EIF4G1: variants seen among roughly 807,000 people sequenced by gnomAD.
EIF4G1 encodes the protein EIF4-gamma.
EIF4G1 carries 4 observed loss-of-function variants against 187.8 expected under a neutral mutation model. The ratio of observed to expected loss-of-function variants is 0.02; its 90% CI spans 0.01 to 0.05. The LOEUF is 0.05. Among genes scored for constraint, EIF4G1 ranks in the 10% least tolerant of loss-of-function variants. EIF4G1 has a pLI of 1.00. For synonymous variants in EIF4G1, 844 were observed against 781.4 expected (o/e 1.08, Z -1.34); for missense variants, 1,647 against 2,081.1 (o/e 0.79, Z 4.06).
intron 21 of EIF4G1, 30 bp from the exon 22 acceptor site, chr3:184,326,497 C>T (rs774727919): frequency 2.5e-6 from 4 of 1,613,010 alleles, no homozygotes; most frequent in Non-Finnish European, 3.4e-6. Flanking sequence ...CGGGTTGGAC[C>T]TATGATTCTA....
In EIF4G1 at chr3:184,321,895, C is replaced by G. The variant is rs778576519; in HGVS notation, c.1311C>G (p.Ile437Met). 5 of 1,614,080 alleles carry G rather than the reference C, an allele frequency of 3.1e-6. No homozygotes were observed. The highest frequency in any genetic ancestry group is 1.7e-5 in the Admixed American group (1 of 60,004). Residue 437 changes from isoleucine (I) to methionine (M), a missense_variant, in exon 10 of 33, where the codon ATC (isoleucine) becomes ATG (methionine). Physicochemically the swap from Ile to Met is conservative, Grantham distance 10. Coordinates refer to ENST00000346169, the MANE Select transcript of EIF4G1 (RefSeq NM_198241.3). ...CAGCATCAATGGCGCCCCCCACCAT[C>G]CCCTCTGCTACTCCAGCTACGGCTC... ...EVTASMAPPTIPSATPATAPS... is the reference protein window; with the variant it reads ...EVTASMAPPTMPSATPATAPS...
chr3:184,320,835 A>G, intron 8 of EIF4G1, 92 bp from the exon 9 acceptor site: 4 of 1,607,594 alleles, frequency 2.5e-6, no homozygotes, highest in Non-Finnish European at 3.4e-6. Flanking sequence ...GCTTTCCTGG[A>G]TTTCTAGGCA....
At chr3:184,320,325 T>C in intron 7 of EIF4G1, 2 of 1,308,794 alleles carry the variant, frequency 1.5e-6, no homozygotes, top group South Asian at 1.6e-5. Context: ...TAGATGGGGG[T>C]CCTGGGCCCC....
Position 184,325,325 on chromosome 3 carries a change from G to A in EIF4G1, c.2913G>A (p.Thr971=), listed in dbSNP as rs553609598. 123 of 1,614,172 alleles carry A rather than the reference G, an allele frequency of 7.6e-5. 1 individual carries two copies. In the South Asian group the frequency reaches 1.1e-3, roughly 15 times the overall value. The part of the protein sequence containing the change: ...QMEKIIKEKK[T]SSRIRFMLQD... ...AAAAAATCATTAAAGAAAAGAAGACGTCATCCCGCATCCGCTTTATGCTGC... is the reference window on the plus strand; with the variant it reads ...AAAAAATCATTAAAGAAAAGAAGACATCATCCCGCATCCGCTTTATGCTGC... The change falls in exon 19 of 33, where the codon ACG becomes ACA. Residue 971 remains threonine, a synonymous_variant. Coordinates refer to ENST00000346169, the MANE Select transcript of EIF4G1 (RefSeq NM_198241.3). The surrounding 1 kb of genome is among the most constrained non-coding windows in gnomAD (Gnocchi z 5.2).
rs527922283 is a variant in EIF4G1, at chr3:184,335,340, A to C, written c.*432A>C. The C allele has an allele frequency of 4.9e-5, 11 of 222,770 alleles. No homozygotes were observed. In the Admixed American group the frequency reaches 5.7e-4, roughly 12 times the overall value. 13.8% of individuals were successfully genotyped at this position (222,770 alleles called of 1,614,324 possible). A position where few individuals can be genotyped will look rare whatever the true frequency, so the allele number is the denominator to read the frequency against. On this transcript the variant is annotated 3_prime_UTR_variant, in exon 33 of 33. Transcript: ENST00000346169. ...GGCACGGTGCCTGTAATTATTAAAC[A>C]TGAATTCAATTAAGCTCACTGCCTT...
rs369454040 is a variant in EIF4G1 at position 184,324,982 on chromosome 3, G to T, written c.2724G>T (p.Leu908=). 1.2e-6 allele frequency: 2 copies of T among 1,614,126 alleles called. No homozygotes were observed. Among genetic ancestry groups the T allele is most frequent in the African/African-American group, 2.7e-5 (2 of 74,938 alleles). Residue 908 remains leucine (L), a synonymous_variant, in exon 18 of 33, where the codon CTG becomes CTT. Transcript: ENST00000346169. Reference sequence around the variant, plus strand: ...AGTTTATTGGAGAGTTGTTCAAACTGAAGATGTTAACAGAGGCAATAATGC... The same window carrying T: ...AGTTTATTGGAGAGTTGTTCAAACTTAAGATGTTAACAGAGGCAATAATGC... ...NIKFIGELFK[L]KMLTEAIMHD...
intron 28 of EIF4G1, among the ~76,000 whole-genome samples, chr3:184,330,781 G>A (rs1046043050): frequency 1.8e-4 from 27 of 151,678 alleles, no homozygotes; most frequent in Admixed American, 3.9e-4. Context: ...TCGCTGTGTC[G>A]CCCAGGCTGG....
In EIF4G1 at chr3:184,320,703, C is replaced by T; in HGVS notation, c.611C>T (p.Ser204Phe). Residue 204 changes from serine (S) to phenylalanine (F), a missense_variant, in exon 8 of 33, where the codon TCC becomes TTC. By Grantham distance (155) the Ser-to-Phe change is radical. Transcript: ENST00000346169. ...ATCATGTCTGGGGCCCGCACTGCCTCCACACCCACCCCTCCCCAGGTACTG... is the reference window on the plus strand; with the variant it reads ...ATCATGTCTGGGGCCCGCACTGCCTTCACACCCACCCCTCCCCAGGTACTG... ...EEIMSGARTA[S>F]TPTPPQTGGG... The T allele has an allele frequency of 1.9e-6, 3 of 1,614,166 alleles. No homozygotes were observed. The highest frequency in any genetic ancestry group is 2.5e-6 in the Non-Finnish European group (3 of 1,180,024).
At chr3:184,327,095 G>C in intron 23 of EIF4G1, 112 bp downstream of exon 23, 1 of 1,570,824 alleles carries the variant, frequency 6.4e-7, no homozygotes, top group Non-Finnish European at 8.7e-7. Context: ...GAGCCCTTGG[G>C]TTAGATTGGG....
At position 184,328,734 on chromosome 3, in the gene EIF4G1, G is replaced by A. The variant is rs760646808; in HGVS notation, c.4057G>A (p.Val1353Met). 1 of 1,614,224 alleles carries A rather than the reference G, an allele frequency of 6.2e-7. No individual in the cohort carries two copies. The highest frequency in any genetic ancestry group is 8.5e-7 in the Non-Finnish European group (1 of 1,180,038). Residue 1353 changes from valine to methionine, a missense_variant, in exon 27 of 33, where the codon GTG becomes ATG. By Grantham distance (21) the Val-to-Met change is conservative. Coordinates refer to ENST00000346169, the MANE Select transcript of EIF4G1 (RefSeq NM_198241.3). ...LVTPILQEGG[V>M]PMGELFREIT... is the part of the protein sequence containing the mutation. Reference sequence around the variant, plus strand: ...AACACCCATTCTGCAGGAAGGTGGGGTGCCCATGGGGGAGCTGTTCAGGTA... The same window carrying A: ...AACACCCATTCTGCAGGAAGGTGGGATGCCCATGGGGGAGCTGTTCAGGTA...
intron 28 of EIF4G1, 90 bp downstream of exon 28, chr3:184,329,080 A>C: frequency 6.8e-7 from 1 of 1,460,588 alleles, no homozygotes; most frequent in Non-Finnish European, 9.6e-7. Context: ...CCATTGGTGG[A>C]GTGGAGTGAT....
intron 28 of EIF4G1, among the ~76,000 whole-genome samples, chr3:184,330,537 C>G (rs1045910437): frequency 1.3e-5 from 2 of 151,998 alleles, no homozygotes; most frequent in Non-Finnish European, 2.9e-5. Flanking sequence ...GTCTATTGCC[C>G]CTTACAGAAA....
Position 184,334,987 on chromosome 3 carries a change from C to T in EIF4G1, c.*79C>T. On this transcript the variant is annotated 3_prime_UTR_variant, in exon 33 of 33. Transcript: ENST00000346169. This position sits in a 1 kb window ranked among gnomAD's most constrained non-coding sequence, Gnocchi z 5.8. ...AGCCGCCTGGACTGCAGGGGGGCGG[C>T]AGCAGCGGCGGTGGCAGTGGGTGCC... 6.3e-7 allele frequency: 1 copy of T among 1,583,614 alleles called. No homozygotes were observed. Among genetic ancestry groups the T allele is most frequent in the Non-Finnish European group, 8.6e-7 (1 of 1,161,774 alleles).
At position 184,320,483 on chromosome 3, in the gene EIF4G1, T is replaced by A. The variant is rs1723700061; in HGVS notation, c.538-147T>A. The stretch of plus-strand genomic sequence containing the variant: ...GGACTACGAGAGCAGCCAGATGGGC[T>A]GAAAGTGGAACTCAAGGGGTTTCTG... On this transcript the variant is annotated intron_variant, in intron 7 of 32. Transcript: ENST00000346169. 39 of 1,540,710 alleles carry A rather than the reference T, an allele frequency of 2.5e-5. No homozygotes were observed. The Middle Eastern group carries it at 6.7e-4, about 27-fold the overall frequency.
rs199729630 is a variant in EIF4G1, at chr3:184,332,020, G to A, written c.4552G>A (p.Glu1518Lys). ...AKLLQKYLCD[E>K]QKELQALYAL... ...GCTGCTGCAGAAATACCTGTGTGAC[G>A]AGCAGAAGGAGCTACAGGCGCTCTA... is the stretch of plus-strand genomic sequence containing the variant. Residue 1518 changes from glutamate to lysine, a missense_variant, in exon 32 of 33, where the codon GAG becomes AAG. By Grantham distance (56) the Glu-to-Lys change is moderately conservative. Transcript: ENST00000346169. 12 of 1,614,206 alleles carry A rather than the reference G, an allele frequency of 7.4e-6. No homozygotes were observed. In the African/African-American group the frequency reaches 8.0e-5, roughly 11 times the overall value.
At position 184,334,797 on chromosome 3, in the gene EIF4G1, G is replaced by C. The variant is rs1246149510; in HGVS notation, c.4689G>C (p.Trp1563Cys). 1 of 1,614,190 alleles carries C rather than the reference G, an allele frequency of 6.2e-7. No homozygotes were observed. The highest frequency in any genetic ancestry group is 1.7e-5 in the Admixed American group (1 of 60,026). Residue 1563 changes from tryptophan to cysteine, a missense_variant, in exon 33 of 33, where the codon TGG becomes TGC. Trp to Cys is a radical substitution (Grantham distance 215, BLOSUM62 -2). This residue lies in a region of EIF4G1 where 543 missense variants were observed against 638.0 expected (regional missense o/e 0.85). Transcript: ENST00000346169. The surrounding 1 kb of genome is among the most constrained non-coding windows in gnomAD (Gnocchi z 5.8). The stretch of plus-strand genomic sequence containing the variant: ...TGAAGGAGGATGCCTTCTACAGTTG[G>C]GAGAGTAGCAAGGACCCCGCTGAGC... The part of the protein sequence containing the change: ...DVVKEDAFYS[W>C]ESSKDPAEQQ...
At chr3:184,316,340 C>G (rs1338140157) in intron 4 of EIF4G1, 122 bp downstream of exon 4, 9 of 1,294,000 alleles carry the variant, frequency 7.0e-6, no homozygotes, top group Non-Finnish European at 9.7e-6. Flanking sequence ...TGTGTTCTTT[C>G]ATGCGGCTCT....
At chr3:184,324,499 T>C in intron 17 of EIF4G1, 152 bp downstream of exon 17, 3 of 1,184,032 alleles carry the variant, frequency 2.5e-6, no homozygotes, top group South Asian at 1.3e-5. Context: ...ACAGTCTTGC[T>C]CTGTCACCCA....
chr3:184,324,430 T>G lies in EIF4G1; in HGVS notation c.2619+83T>G. ...TGCTACTCAGCTGTAGAATTTGGAATGGAGGTAGTGGTGTCTTGGGGATTT... is the reference window on the plus strand; with the variant it reads ...TGCTACTCAGCTGTAGAATTTGGAAGGGAGGTAGTGGTGTCTTGGGGATTT... On this transcript the variant is annotated intron_variant, in intron 17 of 32. Coordinates refer to ENST00000346169, the MANE Select transcript of EIF4G1 (RefSeq NM_198241.3). 6.9e-6 allele frequency: 11 copies of G among 1,595,818 alleles called. No individual in the cohort carries two copies. The South Asian group carries it at 8.9e-5, about 13-fold the overall frequency.
Sources: allele counts gnomAD v4.1 joint callset (sites outside exome capture counted in the v4.1 genomes callset), GRCh38; gene constraint gnomAD v4.1.1; regional missense constraint gnomAD v4.1.1; non-coding constraint Gnocchi (gnomAD v3.1); transcripts MANE v1.5; gene names NCBI Gene and HGNC (gene_info 2026-07-23, HGNC 2026-07-21).